The following TBX10 variants were observed in gnomAD, a reference collection of about 807,000 sequenced individuals.
TBX10 encodes T-box transcription factor 10.
A neutral mutation model predicts 32.4 loss-of-function variants in TBX10; 26 were observed. That is an observed-to-expected ratio of 0.80 (90% CI 0.59 to 1.11). The LOEUF (loss-of-function observed/expected upper bound fraction) is 1.11. TBX10 is among the 50% of genes most tolerant of loss of function. TBX10 has a pLI of 0.00. For synonymous variants in TBX10, 195 were observed against 203.1 expected, an observed-to-expected ratio of 0.96 and a Z score of 0.34; for missense variants, 490 against 494.5, an observed-to-expected ratio of 0.99 and a Z score of 0.09.
intron 5 of TBX10, 138 bp from the exon 6 acceptor site, chr11:67,632,808 A>AGGGC: frequency 6.5e-7 from 1 of 1,545,992 alleles, no homozygotes; most frequent in East Asian, 2.2e-5. Flanking sequence ...GAGTGCGGGC[A>AGGGC]GGGCCTTGAC....
At chr11:67,637,623 A>G (rs190354279) in intron 1 of TBX10, among the ~76,000 whole-genome samples, 5 of 152,376 alleles carry the variant, frequency 3.3e-5, no homozygotes, top group African/African-American at 1.2e-4. Flanking sequence ...ACACCTTCAA[A>G]TAAGGAAGAG....
chr11:67,633,708 C>T (rs1361173916), intron 4 of TBX10, among the ~76,000 whole-genome samples: 2 of 152,250 alleles, frequency 1.3e-5, no homozygotes, highest in Non-Finnish European at 2.9e-5. Flanking sequence ...CTTCAGCTCC[C>T]TGCGCCCCCT....
chr11:67,636,759 A>G (rs535936036), intron 1 of TBX10, among the ~76,000 whole-genome samples: 22 of 152,238 alleles, frequency 1.4e-4, no homozygotes, highest in African/African-American at 5.1e-4. Context: ...CAGCCTCCCA[A>G]AGTGCTGGGG....
At position 67,632,601 on chromosome 11, in the gene TBX10, ACCAGGAGTC is replaced by A. The variant is rs752931715; in HGVS notation, c.766_773+1del. 6.2e-7 allele frequency: 1 copy of A among 1,613,990 alleles called. No individual in the cohort carries two copies. The highest frequency in any genetic ancestry group is 2.2e-5 in the East Asian group (1 of 44,884). Reference sequence around the variant, plus strand: ...GGGGCTAGGGTCAGGGTCAGACAGTACCAGGAGTCCAGGTCACTCTCTCTAAAGCCTTTG... The same window carrying A: ...GGGGCTAGGGTCAGGGTCAGACAGTACAGGTCACTCTCTCTAAAGCCTTTG... On this transcript the variant is annotated splice_donor_variant and coding_sequence_variant, in exon 6 of 8. Coordinates refer to ENST00000335385, the MANE Select transcript of TBX10 (RefSeq NM_005995.5). LOFTEE classifies it high-confidence loss of function.
chr11:67,640,435 T>C (rs2509711), upstream of TBX10, among the ~76,000 whole-genome samples: 32,062 of 152,168 alleles, frequency 0.21, 3,558 homozygotes, highest in African/African-American at 0.27. Flanking sequence ...AATCCCCATC[T>C]GGACATGAGT....
chr11:67,640,791 C>T (rs1020133471), upstream of TBX10, among the ~76,000 whole-genome samples: 19 of 152,056 alleles, frequency 1.2e-4, no homozygotes, highest in Non-Finnish European at 8.8e-5. Context: ...GGCTGGGGGG[C>T]GGCAGGGCTG....
chr11:67,632,790 G>T, intron 5 of TBX10, 120 bp from the exon 6 acceptor site: 1 of 1,542,962 alleles, frequency 6.5e-7, no homozygotes, highest in Non-Finnish European at 8.9e-7. Context: ...GGAACTCTGA[G>T]CTGATAGGAG....
chr11:67,634,027 G>A (rs1855281463), intron 4 of TBX10, among the ~76,000 whole-genome samples, 162 bp downstream of exon 4: 1 of 128,502 alleles, frequency 7.8e-6, no homozygotes, highest in African/African-American at 3.0e-5. Flanking sequence ...AGCCCTTCCT[G>A]CTGTGCCACC....
At chr11:67,635,405 T>C (rs1173088878) in intron 1 of TBX10, 142 bp from the exon 2 acceptor site, 2 of 1,238,558 alleles carry the variant, frequency 1.6e-6, no homozygotes, top group African/African-American at 1.5e-5. Context: ...CCACTCAGCA[T>C]CACTCTGTGA....
chr11:67,631,973 T>C, intron 7 of TBX10, 79 bp from the exon 8 acceptor site: 1 of 1,536,466 alleles, frequency 6.5e-7, no homozygotes. Context: ...GGTCCCTTCC[T>C]GCTCCTCCTT....
At chr11:67,640,620 G>A (rs569449998), upstream of TBX10, among the ~76,000 whole-genome samples, 1 of 152,356 alleles carries the variant, frequency 6.6e-6, no homozygotes, top group South Asian at 2.1e-4. Flanking sequence ...CCCCCTGAGA[G>A]GCTGCCAGTT....
In TBX10 at chr11:67,634,303, A is replaced by G. The variant is rs573671280; in HGVS notation, c.435T>C (p.Pro145=). The G allele has an allele frequency of 5.0e-6, 8 of 1,610,592 alleles. No individual in the cohort carries two copies. The Admixed American group carries it at 1.0e-4, about 20-fold the overall frequency. ...AGTCGGGGTGGAAGTGCACGCGGCC[A>G]GGTGTGGCTGGGTCTGCCTTGCCCG... ...LVAGKADPAT[P]GRVHFHPDSP... is the part of the protein sequence containing the mutation. The change falls in exon 4 of 8, where the codon CCT becomes CCC. Residue 145 remains proline (P), a synonymous_variant. Transcript: ENST00000335385.
chr11:67,640,201 G>A (rs568273960), upstream of TBX10, among the ~76,000 whole-genome samples: 3 of 152,218 alleles, frequency 2.0e-5, no homozygotes, highest in Non-Finnish European at 4.4e-5. Flanking sequence ...ACTGGATGGC[G>A]GGAAGCCCAG....
chr11:67,632,577 G>A, intron 6 of TBX10, 26 bp downstream of exon 6: 1 of 1,613,374 alleles, frequency 6.2e-7, no homozygotes, highest in South Asian at 1.1e-5. Flanking sequence ...TGGGGGTGAG[G>A]GGCTAGGGTC....
Position 67,635,224 on chromosome 11 carries a change from T to C in TBX10, c.47A>G (p.Glu16Gly). 1.9e-6 allele frequency: 3 copies of C among 1,613,672 alleles called. No homozygotes were observed. The highest frequency in any genetic ancestry group is 2.5e-6 in the Non-Finnish European group (3 of 1,180,002). ...GCTGGTTGTAGGTAGGGGGTAGGTC[T>C]CTGAGGGTGCAAGTATGCCGAGGCC... ...SAGLGILAPS[E>G]TYPLPTTSSG... Residue 16 changes from glutamate to glycine, a missense_variant, in exon 2 of 8, where the codon GAG (glutamate) becomes GGG (glycine). Physicochemically the swap from Glu to Gly is moderately conservative, Grantham distance 98. This residue lies in a region of TBX10 where 307 missense variants were observed against 294.9 expected (regional missense o/e 1.04). Coordinates refer to ENST00000335385, the MANE Select transcript of TBX10 (RefSeq NM_005995.5).
At chr11:67,640,075 G>A (rs1277860118), upstream of TBX10, among the ~76,000 whole-genome samples, 1 of 152,196 alleles carries the variant, frequency 6.6e-6, no homozygotes, top group East Asian at 1.9e-4. Flanking sequence ...CCAAGACCCA[G>A]ACCCCTGACC....
In TBX10 at chr11:67,633,077, G is replaced by A. The variant is rs753627508; in HGVS notation, c.576C>T (p.Tyr192=). ...GHIILNSMHR[Y]QPRFHVVFVD... ...CGAAGACCACGTGGAAACGGGGCTG[G>A]TAGCGGTGCATAGAGTTGAGAATGA... The change falls in exon 5 of 8, where the codon TAC becomes TAT. Residue 192 remains tyrosine, a synonymous_variant. Coordinates refer to ENST00000335385, the MANE Select transcript of TBX10 (RefSeq NM_005995.5). 2.5e-6 allele frequency: 4 copies of A among 1,614,118 alleles called. No individual in the cohort carries two copies. Among genetic ancestry groups the A allele is most frequent in the Non-Finnish European group, 2.5e-6 (3 of 1,179,964 alleles).
chr11:67,641,685 C>T (rs1374920341), upstream of TBX10, among the ~76,000 whole-genome samples: 1 of 152,210 alleles, frequency 6.6e-6, no homozygotes, highest in Non-Finnish European at 1.5e-5. Flanking sequence ...ACTCCAGCAG[C>T]CCCAGATGTC....
chr11:67,639,622 G>A lies in TBX10; in HGVS notation c.-150C>T, dbSNP rs557161457. 13 of 1,025,436 alleles carry A rather than the reference G, an allele frequency of 1.3e-5. No individual in the cohort carries two copies. Among genetic ancestry groups the A allele is most frequent in the South Asian group, 4.1e-5 (3 of 74,020 alleles). 63.5% of individuals were successfully genotyped at this position (1,025,436 alleles called of 1,614,324 possible). A position where few individuals can be genotyped will look rare whatever the true frequency, so the allele number is the denominator to read the frequency against. ...ACAAGCTGTAGTCTCTCGGCAGGAC[G>A]GTCCTTGCCTCCTCGATCGCCCTTC... On this transcript the variant is annotated 5_prime_UTR_variant, in exon 1 of 8. Coordinates refer to ENST00000335385, the MANE Select transcript of TBX10 (RefSeq NM_005995.5).
Sources: allele counts gnomAD v4.1 joint callset (sites outside exome capture counted in the v4.1 genomes callset), GRCh38; gene constraint gnomAD v4.1.1; regional missense constraint gnomAD v4.1.1; transcripts MANE v1.5; gene names NCBI Gene and HGNC (gene_info 2026-07-23, HGNC 2026-07-21).